The following NTRK2 variants were observed in gnomAD, a reference collection of about 807,000 sequenced individuals.
NTRK2 encodes neurotrophic receptor tyrosine kinase 2.
Under a neutral mutation model 94.5 loss-of-function variants are expected in NTRK2, and 13 were observed. The observed-to-expected ratio is 0.14, with a 90% confidence interval of 0.09 to 0.22. The LOEUF is 0.22. Ranked by LOEUF, NTRK2 falls within the 10% of genes least tolerant of loss-of-function variation. The pLI is 1.00. For missense variants in NTRK2, 639 were observed against 1,071.2 expected (o/e 0.60, Z 5.63); for synonymous variants, 372 against 407.4 (o/e 0.91, Z 1.05).
chr9:84,831,416 G>A (rs986248114), intron 12 of NTRK2, among the ~76,000 whole-genome samples: 7 of 152,154 alleles, frequency 4.6e-5, no homozygotes, highest in Admixed American at 3.9e-4. Context: ...GAGGGGGTCA[G>A]GGAAAGGGAG....
At chr9:84,837,116 G>A (rs916737730) in intron 12 of NTRK2, among the ~76,000 whole-genome samples, 1 of 151,784 alleles carries the variant, frequency 6.6e-6, no homozygotes, top group Non-Finnish European at 1.5e-5. Context: ...AAGAAGAAAT[G>A]TTACTTGTTA....
chr9:84,815,745 TCA>T (rs1427494163), intron 12 of NTRK2: 1 of 1,004,090 alleles, frequency 1.0e-6, no homozygotes, highest in Non-Finnish European at 1.2e-6. Context: ...GTGTACTTCC[TCA>T]CACTTCCTCA....
At chr9:84,873,827 A>G (rs2075963687) in intron 14 of NTRK2, 6 of 1,057,656 alleles carry the variant, frequency 5.7e-6, no homozygotes, top group Non-Finnish European at 6.9e-6. Context: ...TAGACCTCCT[A>G]GAGGAAACAC....
intron 12 of NTRK2, among the ~76,000 whole-genome samples, chr9:84,822,338 T>C (rs1422821816): frequency 6.6e-6 from 1 of 152,198 alleles, no homozygotes; most frequent in Non-Finnish European, 1.5e-5. Context: ...CATCTTAGGT[T>C]TCCTTTGTAA....
chr9:84,878,840 C>T (rs10868235), intron 14 of NTRK2, among the ~76,000 whole-genome samples: 61,010 of 151,880 alleles, frequency 0.4, 13,888 homozygotes, highest in Non-Finnish European at 0.52. Context: ...TTGTGTAAAC[C>T]TCTGGCCTTT....
chr9:84,972,793 C>A (rs149116113), intron 17 of NTRK2, among the ~76,000 whole-genome samples: 54 of 152,228 alleles, frequency 3.5e-4, no homozygotes, highest in African/African-American at 1.2e-3. Context: ...TCAAAGATTC[C>A]ATTGGTTTTA....
chr9:84,742,062 T>G, intron 10 of NTRK2, 135 bp downstream of exon 10: 1 of 765,662 alleles, frequency 1.3e-6, no homozygotes, highest in Non-Finnish European at 2.1e-6. Flanking sequence ...AAATAGTATT[T>G]CAAAAAATCA....
Position 84,717,735 on chromosome 9 carries a change from A to C in NTRK2, c.584-5838A>C, listed in dbSNP as rs117154411. On this transcript the variant is annotated intron_variant, in intron 6 of 18. Transcript: ENST00000277120. ...CCAATAAATAATAGCTATTACTATCATCAACAAGAATAGTTAGATTTAAAT... is the reference window on the plus strand; with the variant it reads ...CCAATAAATAATAGCTATTACTATCCTCAACAAGAATAGTTAGATTTAAAT... Among the ~76,000 whole-genome samples, 908 of 152,372 alleles carry C rather than the reference A, an allele frequency of 6.0e-3. 4 individuals carry two copies. Among genetic ancestry groups the C allele is most frequent in the Non-Finnish European group, 0.011 (745 of 68,032 alleles).
At chr9:84,944,225 A>T (rs1310763396) in intron 15 of NTRK2, among the ~76,000 whole-genome samples, 4 of 147,532 alleles carry the variant, frequency 2.7e-5, no homozygotes, top group South Asian at 2.1e-4. Context: ...TCACACACAC[A>T]CACACACACA....
Position 85,026,713 on chromosome 9 carries a change from C to T in NTRK2, c.*5276C>T, listed in dbSNP as rs779710491. On this transcript the variant is annotated 3_prime_UTR_variant, in exon 19 of 19. Transcript: ENST00000277120. Reference sequence around the variant, plus strand: ...TGTTTGTATATATCCAGGCCGTATACACACACATTTCCATATCTCTCTACA... The same window carrying T: ...TGTTTGTATATATCCAGGCCGTATATACACACATTTCCATATCTCTCTACA... 5.2e-5 allele frequency: 12 copies of T among 232,880 alleles called. No homozygotes were observed. Among genetic ancestry groups the T allele is most frequent in the Non-Finnish European group, 9.3e-5 (11 of 117,910 alleles). The allele number at this position is 232,880 out of a possible 1,614,324, so 14.4% of individuals were successfully genotyped here.
chr9:84,990,758 A>T (rs1241950764), intron 17 of NTRK2, among the ~76,000 whole-genome samples: 2 of 152,184 alleles, frequency 1.3e-5, no homozygotes, highest in African/African-American at 4.8e-5. Context: ...CCATGGGCAC[A>T]TGACGCAAGA....
intron 12 of NTRK2, among the ~76,000 whole-genome samples, chr9:84,767,180 T>C (rs1363212468): frequency 6.6e-6 from 1 of 152,228 alleles, no homozygotes; most frequent in East Asian, 1.9e-4. Context: ...GCAAGGCTAA[T>C]ATAATTTGAG....
chr9:84,764,485 G>A (rs908713749), intron 12 of NTRK2, among the ~76,000 whole-genome samples: 1 of 152,118 alleles, frequency 6.6e-6, no homozygotes, highest in Non-Finnish European at 1.5e-5. Flanking sequence ...CTTCCTTGAG[G>A]CAATGATTGG....
At chr9:84,749,012 TGAGGTTGGGAGTTC>T (rs1588343854) in intron 11 of NTRK2, among the ~76,000 whole-genome samples, 3 of 152,256 alleles carry the variant, frequency 2.0e-5, no homozygotes, top group Admixed American at 6.5e-5. Flanking sequence ...GCGGATCACC[TGAGGTTGGGAGTTC>T]GAGACCAGCT....
intron 12 of NTRK2, chr9:84,813,713 G>A: frequency 9.4e-7 from 1 of 1,066,186 alleles, no homozygotes. Flanking sequence ...CGTGTGGCCA[G>A]AGACATCCTA....
chr9:84,998,588 G>A (rs78576074), intron 17 of NTRK2, among the ~76,000 whole-genome samples: 2,586 of 152,196 alleles, frequency 0.017, 64 homozygotes, highest in African/African-American at 0.058. Flanking sequence ...GTGCAGACAC[G>A]TGCTGCTTAT....
chr9:85,006,429 C>A (rs1410123446), intron 17 of NTRK2, among the ~76,000 whole-genome samples: 3 of 151,460 alleles, frequency 2.0e-5, no homozygotes, highest in African/African-American at 7.4e-5. Context: ...TACATGTGGC[C>A]ATGCCAAGGC....
intron 17 of NTRK2, among the ~76,000 whole-genome samples, chr9:85,005,755 G>A (rs1830896000): frequency 6.6e-6 from 1 of 152,148 alleles, no homozygotes; most frequent in Admixed American, 6.5e-5. Flanking sequence ...ATGTTTGCAT[G>A]TCTTGTTCTT....
chr9:84,876,964 G>A lies in NTRK2; in HGVS notation c.1633+9533G>A, dbSNP rs114428165. 1.3e-3 allele frequency: 1,406 copies of A among 1,060,790 alleles called. 15 individuals are homozygous for A. The African/African-American group carries it at 0.021, about 16-fold the overall frequency. The allele number at this position is 1,060,790 out of a possible 1,614,324, so 65.7% of individuals were successfully genotyped here. On this transcript the variant is annotated intron_variant, in intron 14 of 18. Coordinates refer to ENST00000277120, the MANE Select transcript of NTRK2 (RefSeq NM_006180.6). ...ATTTTTATGGACATTGGATTTTAAA[G>A]AGGAAAACACTCATTTTCTTAGTAA... is the stretch of plus-strand genomic sequence containing the variant.
Sources: allele counts gnomAD v4.1 joint callset (sites outside exome capture counted in the v4.1 genomes callset), GRCh38; gene constraint gnomAD v4.1.1; transcripts MANE v1.5; gene names NCBI Gene and HGNC (gene_info 2026-07-23, HGNC 2026-07-21).